TRPC4AP: variants seen among roughly 807,000 people sequenced by gnomAD.
TRPC4AP encodes the protein transient receptor potential cation channel subfamily C member 4 associated protein, also known as short transient receptor potential channel 4-associated protein.
A neutral mutation model predicts 99.0 loss-of-function variants in TRPC4AP; 45 were observed. That is an observed-to-expected ratio of 0.45 (90% CI 0.36 to 0.58). TRPC4AP has a LOEUF of 0.58. Ranked by LOEUF, TRPC4AP falls within the 20% of genes least tolerant of loss-of-function variation. The pLI is 0.00. For missense variants in TRPC4AP, 879 were observed against 985.3 expected (o/e 0.89, Z 1.44); for synonymous variants, 408 against 385.8 (o/e 1.06, Z -0.67).
At chr20:35,068,946 TACACACACACACACACAC>T (rs71196783) in intron 3 of TRPC4AP, among the ~76,000 whole-genome samples, 2 of 113,176 alleles carry the variant, frequency 1.8e-5, no homozygotes, top group Non-Finnish European at 3.8e-5. Flanking sequence ...GGGGAATATT[TACACACACACACACACAC>T]ACACACACAC....
At chr20:35,008,004 G>A (rs367885334) in intron 13 of TRPC4AP, among the ~76,000 whole-genome samples, 10 of 152,204 alleles carry the variant, frequency 6.6e-5, no homozygotes, top group African/African-American at 1.7e-4. Flanking sequence ...TGTGGGAAGC[G>A]GACGAACACA....
At chr20:35,013,090 T>C (rs763448722) in intron 10 of TRPC4AP, 24 bp from the exon 11 acceptor site, 2 of 1,613,518 alleles carry the variant, frequency 1.2e-6, no homozygotes, top group East Asian at 4.5e-5. Flanking sequence ...ACAGCCTCAA[T>C]GTTAGGACCA....
chr20:35,055,210 C>T (rs561445937), intron 4 of TRPC4AP, among the ~76,000 whole-genome samples, 179 bp from the exon 5 acceptor site: 59 of 152,208 alleles, frequency 3.9e-4, no homozygotes, highest in Non-Finnish European at 7.3e-4. Context: ...TCAGAACCTA[C>T]AAGCCCATTT....
chr20:35,079,606 G>T (rs892214345), intron 1 of TRPC4AP, among the ~76,000 whole-genome samples: 5 of 151,922 alleles, frequency 3.3e-5, no homozygotes, highest in African/African-American at 9.7e-5. Flanking sequence ...TCTTTAAAAA[G>T]ATCAATACGA....
intron 1 of TRPC4AP, among the ~76,000 whole-genome samples, chr20:35,087,386 G>A (rs2084917197): frequency 6.6e-6 from 1 of 150,494 alleles, no homozygotes; most frequent in Non-Finnish European, 1.5e-5. Flanking sequence ...TATAAAGTAA[G>A]GAACACTCAG....
At chr20:35,058,229 A>G (rs1263085139) in intron 3 of TRPC4AP, among the ~76,000 whole-genome samples, 1 of 152,368 alleles carries the variant, frequency 6.6e-6, no homozygotes, top group East Asian at 1.9e-4. Context: ...GGACACGTTA[A>G]TAACTCTGCT....
At chr20:35,053,179 T>C (rs1293488356) in intron 5 of TRPC4AP, among the ~76,000 whole-genome samples, 1 of 152,224 alleles carries the variant, frequency 6.6e-6, no homozygotes, top group Non-Finnish European at 1.5e-5. Flanking sequence ...ATACTTGTCT[T>C]TTCTTTATGC....
chr20:35,027,267 G>A (rs931251606), intron 8 of TRPC4AP, among the ~76,000 whole-genome samples: 5 of 152,134 alleles, frequency 3.3e-5, no homozygotes, highest in African/African-American at 9.7e-5. Flanking sequence ...AAAGGGTGTT[G>A]GATTTTGTCA....
rs770481667 is a variant in TRPC4AP at position 35,049,993 on chromosome 20, G to C, written c.530C>G (p.Thr177Arg). ...LSILYNTCVC[T>R]EGVTKRLAEK... ...TGCCAAACGCTTTGTAACTCCCTCT[G>C]TCTGTCACAAGAAGAAAAGGCAGAA... is the stretch of plus-strand genomic sequence containing the variant. Residue 177 changes from threonine to arginine, a missense_variant and splice_region_variant, in exon 6 of 19, where the codon ACA (threonine) becomes AGA (arginine). By Grantham distance (71) the Thr-to-Arg change is moderately conservative (BLOSUM62 -1). This residue lies in a region of TRPC4AP where 603 missense variants were observed against 631.8 expected (regional missense o/e 0.95). Coordinates refer to ENST00000252015, the MANE Select transcript of TRPC4AP (RefSeq NM_015638.3). 1 of 1,613,200 alleles carries C rather than the reference G, an allele frequency of 6.2e-7. No homozygotes were observed. Among genetic ancestry groups the C allele is most frequent in the Non-Finnish European group, 8.5e-7 (1 of 1,179,644 alleles).
intron 7 of TRPC4AP, among the ~76,000 whole-genome samples, chr20:35,043,821 A>G (rs1412983532): frequency 2.0e-5 from 3 of 152,238 alleles, no homozygotes; most frequent in Non-Finnish European, 4.4e-5. Flanking sequence ...ATTGCAGTTG[A>G]CCACGGATAA....
At chr20:35,071,652 T>G (rs2084318890) in intron 2 of TRPC4AP, among the ~76,000 whole-genome samples, 1 of 152,156 alleles carries the variant, frequency 6.6e-6, no homozygotes, top group South Asian at 2.1e-4. Flanking sequence ...ATGGTGTATA[T>G]GTGCCACATT....
intron 9 of TRPC4AP, among the ~76,000 whole-genome samples, chr20:35,017,176 T>C (rs1464606428): frequency 6.6e-6 from 1 of 152,124 alleles, no homozygotes; most frequent in Non-Finnish European, 1.5e-5. Flanking sequence ...AAGGCACCAG[T>C]AAAAAAGAAT....
rs764675533 is a variant in TRPC4AP at position 35,035,166 on chromosome 20, A to G, written c.1008T>C (p.Asp336=). The G allele has an allele frequency of 6.2e-7, 1 of 1,614,090 alleles. No individual in the cohort carries two copies. Among genetic ancestry groups the G allele is most frequent in the South Asian group, 1.1e-5 (1 of 91,060 alleles). Residue 336 remains aspartate, a synonymous_variant, in exon 8 of 19, where the codon GAT becomes GAC. Coordinates refer to ENST00000252015, the MANE Select transcript of TRPC4AP (RefSeq NM_015638.3). ...CCTCATTGGCCACTCGCATCAGGGC[A>G]TCTAGCACCAAAGCATTGTCTAGCC... The part of the protein sequence containing the change: ...YTWLDNALVL[D]ALMRVANEES...
intron 16 of TRPC4AP, among the ~76,000 whole-genome samples, chr20:35,005,133 C>G (rs564266889): frequency 1.3e-5 from 2 of 152,248 alleles, no homozygotes; most frequent in East Asian, 1.9e-4. Flanking sequence ...GAAACAGACC[C>G]TCTGGGGCAG....
At chr20:35,026,454 G>A (rs905650320) in intron 8 of TRPC4AP, among the ~76,000 whole-genome samples, 5 of 152,096 alleles carry the variant, frequency 3.3e-5, no homozygotes, top group African/African-American at 1.2e-4. Context: ...GAGGCCAAGT[G>A]ATCTTCCTGC....
chr20:35,011,513 T>G (rs1361631823), intron 11 of TRPC4AP, among the ~76,000 whole-genome samples: 1 of 152,172 alleles, frequency 6.6e-6, no homozygotes, highest in African/African-American at 2.4e-5. Flanking sequence ...AGTATTGAAC[T>G]GTTTATCATG....
intron 2 of TRPC4AP, among the ~76,000 whole-genome samples, chr20:35,075,079 C>T (rs1169396127): frequency 2.3e-5 from 3 of 132,768 alleles, no homozygotes; most frequent in Admixed American, 9.0e-5. Context: ...AGGATTGCAA[C>T]CCCTGCTTTT....
intron 4 of TRPC4AP, among the ~76,000 whole-genome samples, chr20:35,056,715 T>C (rs1326949666): frequency 6.6e-6 from 1 of 152,042 alleles, no homozygotes; most frequent in East Asian, 1.9e-4. Flanking sequence ...GTGCGGTGGC[T>C]CATGCCTGTA....
At chr20:35,074,710 T>C (rs1303061581) in intron 2 of TRPC4AP, among the ~76,000 whole-genome samples, 2 of 152,222 alleles carry the variant, frequency 1.3e-5, no homozygotes, top group Non-Finnish European at 2.9e-5. Flanking sequence ...AATTTTGGAA[T>C]AAGTGCGACG....
Sources: allele counts gnomAD v4.1 joint callset (sites outside exome capture counted in the v4.1 genomes callset), GRCh38; gene constraint gnomAD v4.1.1; regional missense constraint gnomAD v4.1.1; transcripts MANE v1.5; gene names NCBI Gene and HGNC (gene_info 2026-07-23, HGNC 2026-07-21).